TMEM201: variants seen among roughly 807,000 people sequenced by gnomAD.
TMEM201 encodes the protein RP13-15M17.2.
In TMEM201, 26 loss-of-function variants were observed where a neutral mutation model predicts 63.4. That is an observed-to-expected ratio of 0.41 (90% CI 0.30 to 0.57). The LOEUF is 0.57. Ranked by LOEUF, TMEM201 falls within the 20% of genes least tolerant of loss-of-function variation. The pLI is 0.29. For synonymous variants in TMEM201, 417 were observed against 421.6 expected, an observed-to-expected ratio of 0.99 and a Z score of 0.14; for missense variants, 794 against 917.7, an observed-to-expected ratio of 0.87 and a Z score of 1.74.
At chr1:9,611,212 TTTC>T in intron 9 of TMEM201, 2 of 526,388 alleles carry the variant, frequency 3.8e-6, no homozygotes, top group African/African-American at 2.0e-5. Context: ...TTTTTTTTTT[TTTC>T]GAGATGCAGT....
At chr1:9,599,044 G>C (rs555560935) in intron 4 of TMEM201, among the ~76,000 whole-genome samples, 1 of 149,478 alleles carries the variant, frequency 6.7e-6, no homozygotes, top group East Asian at 2.0e-4. Context: ...AGGTTCAAGC[G>C]ATTCTCCCGT....
chr1:9,593,816 C>T (rs958258184), intron 1 of TMEM201, among the ~76,000 whole-genome samples: 1 of 152,206 alleles, frequency 6.6e-6, no homozygotes, highest in Non-Finnish European at 1.5e-5. Context: ...GGTGCAGAGC[C>T]TTGTCCGGCT....
In TMEM201 at chr1:9,604,865, T is replaced by A; in HGVS notation, c.1160+2593T>A. 1.0e-6 allele frequency: 1 copy of A among 985,970 alleles called. No homozygotes were observed. The highest frequency in any genetic ancestry group is 1.2e-6 in the Non-Finnish European group (1 of 829,992). 61.1% of individuals were successfully genotyped at this position (985,970 alleles called of 1,614,324 possible). ...TGTGGATAATTGTCTAGTGACCCTC[T>A]CATCACTGTAACCATCGCGCCTGGC... is the stretch of plus-strand genomic sequence containing the variant. On this transcript the variant is annotated intron_variant, in intron 6 of 10. Transcript: ENST00000340381. This position sits in a 1 kb window ranked among gnomAD's most constrained non-coding sequence, Gnocchi z 4.1.
In TMEM201 at chr1:9,601,117, G is replaced by A. The variant is rs147993388; in HGVS notation, c.619G>A (p.Ala207Thr). The A allele has an allele frequency of 5.6e-4, 891 of 1,589,050 alleles. 6 individuals are homozygous for A. In the African/African-American group the frequency reaches 9.5e-3, roughly 17 times the overall value. ...TCCTCCTTTGCAGAACTTCTCCTCC[G>A]CCGTGAAGTCCCCGGTCCAGGTCAT... The part of the protein sequence containing the change: ...DQTHAQNFSS[A>T]VKSPVQVILL... Residue 207 changes from alanine to threonine, a missense_variant, in exon 5 of 11, where the codon GCC becomes ACC. Ala to Thr is a moderately conservative substitution (Grantham distance 58). Transcript: ENST00000340381.
At position 9,595,944 on chromosome 1, in the gene TMEM201, G is replaced by A. The variant is rs1261694766; in HGVS notation, c.168G>A (p.Leu56=). 4 of 1,613,696 alleles carry A rather than the reference G, an allele frequency of 2.5e-6. No homozygotes were observed. In the South Asian group the frequency reaches 3.3e-5, roughly 13 times the overall value. The change falls in exon 2 of 11, where the codon CTG becomes CTA. Residue 56 remains leucine (L), a synonymous_variant. Coordinates refer to ENST00000340381, the MANE Select transcript of TMEM201 (RefSeq NM_001130924.3). ...VNCWFCNQDT[L]VPYGNRNCWD... is the part of the protein sequence containing the mutation. ...GCTGGTTCTGCAACCAGGATACGCT[G>A]GTGCCCTATGGGAACCGCAACTGCT...
At chr1:9,589,112 G>A (rs867065119) in intron 1 of TMEM201, 69 bp downstream of exon 1, 2 of 727,234 alleles carry the variant, frequency 2.8e-6, no homozygotes, top group Non-Finnish European at 1.7e-6. Context: ...CGCCGCCCCG[G>A]CCCGCTGCCC....
chr1:9,604,045 C>T lies in TMEM201; in HGVS notation c.1160+1773C>T, dbSNP rs1219435059. The T allele has an allele frequency of 4.1e-6, 4 of 985,308 alleles. No individual in the cohort carries two copies. In the African/African-American group the frequency reaches 5.2e-5, roughly 13 times the overall value. The allele number at this position is 985,308 out of a possible 1,614,324, so 61.0% of individuals were successfully genotyped here. A position where few individuals can be genotyped will look rare whatever the true frequency, so the allele number is the denominator to read the frequency against. On this transcript the variant is annotated intron_variant, in intron 6 of 10. Transcript: ENST00000340381. The surrounding 1 kb of genome is among the most constrained non-coding windows in gnomAD (Gnocchi z 4.1). ...CCGCCTGCCTGTGCACTCACGCCAC[C>T]CCCCAGCCCACAAAGAGCCCATCTG...
rs1370190176 is a variant in TMEM201 at position 9,608,558 on chromosome 1, A to T, written c.1393+769A>T. On this transcript the variant is annotated intron_variant, in intron 7 of 10. Transcript: ENST00000340381. The surrounding 1 kb of genome is among the most constrained non-coding windows in gnomAD (Gnocchi z 4.3). The stretch of plus-strand genomic sequence containing the variant: ...AGAGATACCCCCCTATTTTCAGGGC[A>T]CCCCAGCCTGGTGGCACTTGAATGG... 6.6e-6 allele frequency among the ~76,000 whole-genome samples: 1 copy of T among 152,098 alleles called. No homozygotes were observed. The highest frequency in any genetic ancestry group is 1.5e-5 in the Non-Finnish European group (1 of 68,012).
intron 6 of TMEM201, chr1:9,606,601 A>AGTTT (rs1644248937): frequency 1.3e-5 from 2 of 152,292 alleles, no homozygotes. Context: ...GCTCACCAGC[A>AGTTT]CGTTGTCCAC....
intron 4 of TMEM201, among the ~76,000 whole-genome samples, chr1:9,599,349 G>A (rs759422915): frequency 3.3e-5 from 5 of 151,888 alleles, no homozygotes; most frequent in Admixed American, 6.6e-5. Context: ...CCGGGTTCAA[G>A]CAATTTTCCT....
intron 7 of TMEM201, 49 bp from the exon 8 acceptor site, chr1:9,609,791 G>A: frequency 6.5e-7 from 1 of 1,527,434 alleles, no homozygotes; most frequent in Non-Finnish European, 8.9e-7. Context: ...GGGGGCCTCT[G>A]CACGTCATCC....
intron 7 of TMEM201, among the ~76,000 whole-genome samples, chr1:9,609,248 C>T (rs893712759): frequency 5.9e-5 from 9 of 152,342 alleles, no homozygotes; most frequent in Admixed American, 5.2e-4. Context: ...TGCAACAGAC[C>T]CTTCAGAGCC....
chr1:9,600,129 A>T (rs538803469), intron 4 of TMEM201, among the ~76,000 whole-genome samples: 174 of 152,268 alleles, frequency 1.1e-3, no homozygotes, highest in African/African-American at 4.0e-3. Flanking sequence ...AATCAGACCC[A>T]GGTCACATCT....
intron 1 of TMEM201, among the ~76,000 whole-genome samples, chr1:9,592,018 T>C (rs1484264297): frequency 6.6e-6 from 1 of 152,228 alleles, no homozygotes; most frequent in Middle Eastern, 3.2e-3. Flanking sequence ...TGGTGCTTGC[T>C]TAACTGATGG....
At position 9,588,942 on chromosome 1, in the gene TMEM201, G is replaced by T; in HGVS notation, c.12G>T (p.Val4=). Residue 4 remains valine, a synonymous_variant, in exon 1 of 11, where the codon GTG becomes GTT. Transcript: ENST00000340381. ...CCACGCGGAGAGCCATGGAGGGAGT[G>T]AGCGCGCTGCTGGCCCGCTGCCCCA... MEG[V]SALLARCPTA... The T allele has an allele frequency of 7.8e-7, 1 of 1,284,200 alleles. No individual in the cohort carries two copies. The highest frequency in any genetic ancestry group is 2.9e-5 in the Admixed American group (1 of 34,380). The allele number at this position is 1,284,200 out of a possible 1,614,324, so 79.6% of individuals were successfully genotyped here.
chr1:9,598,876 C>T (rs1444334127), intron 4 of TMEM201, among the ~76,000 whole-genome samples: 7 of 151,104 alleles, frequency 4.6e-5, no homozygotes, highest in South Asian at 2.1e-4. Flanking sequence ...CTCGAACTCC[C>T]GATCTCTGGT....
intron 10 of TMEM201, 101 bp downstream of exon 10, chr1:9,611,991 G>A: frequency 1.5e-6 from 2 of 1,362,358 alleles, no homozygotes; most frequent in Non-Finnish European, 1.9e-6. Context: ...AATCTTCCAG[G>A]ACATTGCAGT....
Position 9,613,014 on chromosome 1 carries a change from C to T in TMEM201, c.1932C>T (p.Gly644=). The change falls in exon 11 of 11, where the codon GGC becomes GGT. Residue 644 remains glycine, a synonymous_variant. Coordinates refer to ENST00000340381, the MANE Select transcript of TMEM201 (RefSeq NM_001130924.3). ...RGRFGPSLVR[G]LLAVSLAANA... ...GTTTCGGCCCTTCCCTGGTCCGGGGCCTCCTGGCCGTGAGCTTGGCCGCCA... is the reference window on the plus strand; with the variant it reads ...GTTTCGGCCCTTCCCTGGTCCGGGGTCTCCTGGCCGTGAGCTTGGCCGCCA... The T allele has an allele frequency of 6.4e-7, 1 of 1,551,528 alleles. No individual in the cohort carries two copies.
chr1:9,595,717 G>A (rs996625315), intron 1 of TMEM201, among the ~76,000 whole-genome samples, 173 bp from the exon 2 acceptor site: 4 of 151,926 alleles, frequency 2.6e-5, no homozygotes, highest in Non-Finnish European at 1.5e-5. Context: ...CTCTCCTTCA[G>A]AGCCCTTGTT....
Sources: allele counts gnomAD v4.1 joint callset (sites outside exome capture counted in the v4.1 genomes callset), GRCh38; gene constraint gnomAD v4.1.1; non-coding constraint Gnocchi (gnomAD v3.1); transcripts MANE v1.5; gene names NCBI Gene and HGNC (gene_info 2026-07-23, HGNC 2026-07-21).